GNA12: variants seen among roughly 807,000 people sequenced by gnomAD.
The protein encoded by GNA12 is G protein subunit alpha 12.
In GNA12, 9 loss-of-function variants were observed where a neutral mutation model predicts 26.0. The observed-to-expected ratio is 0.35, with a 90% CI of 0.21 to 0.60. The LOEUF is 0.60. Among genes scored for constraint, GNA12 ranks in the 20% least tolerant of loss-of-function variants. The probability of loss-of-function intolerance (pLI) is 0.78; values close to 1 mark genes in which losing one functional copy is unlikely to be tolerated. For synonymous variants in GNA12, 264 were observed against 219.6 expected, an observed-to-expected ratio of 1.20 and a Z score of -1.79; for missense variants, 405 against 525.8, an observed-to-expected ratio of 0.77 and a Z score of 2.25.
intron 2 of GNA12, among the ~76,000 whole-genome samples, chr7:2,784,115 T>C (rs1232215105): frequency 6.6e-6 from 1 of 152,232 alleles, no homozygotes. Flanking sequence ...AAATTTAACA[T>C]TTATTTTATT....
intron 2 of GNA12, among the ~76,000 whole-genome samples, chr7:2,774,439 T>C (rs1583270336): frequency 6.6e-6 from 1 of 152,058 alleles, no homozygotes; most frequent in African/African-American, 2.4e-5. Context: ...AAGGAGGAAG[T>C]GCATTCCAGG....
intron 1 of GNA12, among the ~76,000 whole-genome samples, chr7:2,810,901 A>AAAAGAAAGAAAG (rs35629917): frequency 0.011 from 1,594 of 149,890 alleles, 31 homozygotes; most frequent in African/African-American, 0.037. Context: ...TCTGTCTTAA[A>AAAAGAAAGAAAG]AAAGAAAGAA....
intron 1 of GNA12, among the ~76,000 whole-genome samples, chr7:2,829,858 T>C (rs1793563145): frequency 1.3e-5 from 2 of 152,204 alleles, no homozygotes; most frequent in Admixed American, 1.3e-4. Flanking sequence ...TTTGTCTTCT[T>C]GGACCAGAGC....
intron 1 of GNA12, among the ~76,000 whole-genome samples, chr7:2,843,476 C>T (rs1666751895): frequency 1.3e-5 from 2 of 151,888 alleles, no homozygotes; most frequent in Admixed American, 1.3e-4. Context: ...AAGACCCCAT[C>T]TCTACAAAAA....
intron 2 of GNA12, chr7:2,760,494 C>G (rs187465159): frequency 6.6e-6 from 1 of 152,370 alleles, no homozygotes. Context: ...AAATCAACAC[C>G]GTGGCTTCAC....
chr7:2,830,978 C>T (rs1793592868), intron 1 of GNA12, among the ~76,000 whole-genome samples: 1 of 151,966 alleles, frequency 6.6e-6, no homozygotes, highest in African/African-American at 2.4e-5. Context: ...AACAAAAGCT[C>T]CCAATGCACA....
intron 1 of GNA12, among the ~76,000 whole-genome samples, chr7:2,827,514 G>A (rs1246562009): frequency 6.6e-6 from 1 of 152,182 alleles, no homozygotes; most frequent in African/African-American, 2.4e-5. Context: ...CGGACTGAAG[G>A]CACCTAAACT....
intron 1 of GNA12, among the ~76,000 whole-genome samples, chr7:2,839,387 A>C (rs995837338): frequency 2.6e-5 from 4 of 151,598 alleles, no homozygotes; most frequent in Admixed American, 2.6e-4. Context: ...ACACCCGGCT[A>C]ATTTGTTTGT....
chr7:2,819,790 G>A (rs1793305036), intron 1 of GNA12, among the ~76,000 whole-genome samples: 1 of 152,204 alleles, frequency 6.6e-6, no homozygotes, highest in Non-Finnish European at 1.5e-5. Context: ...GGTGGGAACA[G>A]AAATGTTGCG....
At chr7:2,767,882 A>C (rs1791846260) in intron 2 of GNA12, among the ~76,000 whole-genome samples, 1 of 152,152 alleles carries the variant, frequency 6.6e-6, no homozygotes, top group South Asian at 2.1e-4. Context: ...TTTGAGACGG[A>C]GTCACTCTGT....
At chr7:2,797,197 G>C (rs1205099138) in intron 1 of GNA12, among the ~76,000 whole-genome samples, 1 of 152,220 alleles carries the variant, frequency 6.6e-6, no homozygotes, top group Non-Finnish European at 1.5e-5. Flanking sequence ...CCAGGCTGGA[G>C]TGCAGTGGCA....
chr7:2,800,476 C>T (rs1203673553), intron 1 of GNA12, among the ~76,000 whole-genome samples: 1 of 152,246 alleles, frequency 6.6e-6, no homozygotes, highest in Non-Finnish European at 1.5e-5. Context: ...CTGACTTCAA[C>T]AGCATACTGA....
chr7:2,814,821 C>T (rs1413599970), intron 1 of GNA12: 17 of 1,542,510 alleles, frequency 1.1e-5, no homozygotes, highest in Non-Finnish European at 1.4e-5. Flanking sequence ...AAGCACCCTT[C>T]CTGTGCTCCC....
rs910052962 is a variant in GNA12, at chr7:2,731,075, G to A, written c.*106C>T. On this transcript the variant is annotated 3_prime_UTR_variant, in exon 4 of 4. Coordinates refer to ENST00000275364, the MANE Select transcript of GNA12 (RefSeq NM_007353.3). This position sits in a 1 kb window ranked among gnomAD's most constrained non-coding sequence, Gnocchi z 6.0. ...TCCTGAGCCAGGTATTCCAGGGCAC[G>A]GATCCGAGAAACCCACTCAAGGACC... 2.1e-5 allele frequency: 15 copies of A among 727,350 alleles called. No individual in the cohort carries two copies. The highest frequency in any genetic ancestry group is 2.5e-5 in the Non-Finnish European group (11 of 438,704). 45.1% of individuals were successfully genotyped at this position (727,350 alleles called of 1,614,324 possible).
chr7:2,787,430 C>T (rs966739053), intron 2 of GNA12, among the ~76,000 whole-genome samples: 4 of 152,208 alleles, frequency 2.6e-5, no homozygotes, highest in Admixed American at 6.5e-5. Context: ...TGTCACCCAC[C>T]GCTCTGGCCC....
chr7:2,734,794 C>T (rs1790076930), intron 2 of GNA12, among the ~76,000 whole-genome samples: 1 of 152,214 alleles, frequency 6.6e-6, no homozygotes, highest in Admixed American at 6.5e-5. Flanking sequence ...CACACATCCT[C>T]CTCCTCTGTG....
intron 2 of GNA12, among the ~76,000 whole-genome samples, chr7:2,790,438 T>TTA (rs1301247606): frequency 6.6e-6 from 1 of 152,168 alleles, no homozygotes; most frequent in Non-Finnish European, 1.5e-5. Flanking sequence ...CTTACCACAT[T>TTA]TATAACAATT....
At chr7:2,784,310 G>C (rs550863423) in intron 2 of GNA12, among the ~76,000 whole-genome samples, 49 of 152,158 alleles carry the variant, frequency 3.2e-4, no homozygotes, top group African/African-American at 1.1e-3. Flanking sequence ...GGGAGAGAAG[G>C]GGTTTTGCCC....
intron 2 of GNA12, among the ~76,000 whole-genome samples, chr7:2,734,463 C>T (rs1790056934): frequency 6.6e-6 from 1 of 152,168 alleles, no homozygotes; most frequent in African/African-American, 2.4e-5. Context: ...TGGAAATGTA[C>T]AGGGGCAAGG....
Sources: gnomAD v4.1 joint callset for allele counts (sites outside exome capture counted in the v4.1 genomes callset) on GRCh38, gnomAD v4.1.1 for gene constraint, Gnocchi (gnomAD v3.1) non-coding constraint, MANE v1.5 for transcripts, NCBI Gene and HGNC (gene_info 2026-07-23, HGNC 2026-07-21) for gene names.